MAP2K6: variants seen among roughly 807,000 people sequenced by gnomAD.
The protein encoded by MAP2K6 is mitogen-activated protein kinase kinase 6, also known as dual specificity mitogen-activated protein kinase kinase 6.
Under a neutral mutation model 53.7 loss-of-function variants are expected in MAP2K6, and 16 were observed. The ratio of observed to expected loss-of-function variants is 0.30; its 90% confidence interval spans 0.20 to 0.45. The LOEUF is 0.45. Among genes scored for constraint, MAP2K6 ranks in the 20% least tolerant of loss-of-function variants. MAP2K6 has a pLI of 1.00. For missense variants in MAP2K6, 204 were observed against 411.9 expected (o/e 0.50, Z 4.37); for synonymous variants, 132 against 143.1 (o/e 0.92, Z 0.55).
At chr17:69,431,253 T>G (rs1906453679) in intron 1 of MAP2K6, among the ~76,000 whole-genome samples, 1 of 152,154 alleles carries the variant, frequency 6.6e-6, no homozygotes, top group Admixed American at 6.6e-5. Context: ...AGTTCATGCT[T>G]CTTTTCTATA....
intron 1 of MAP2K6, among the ~76,000 whole-genome samples, chr17:69,417,441 ACT>A (rs1905941727): frequency 6.6e-6 from 1 of 152,090 alleles, no homozygotes; most frequent in South Asian, 2.1e-4. Context: ...GGAATTACAG[ACT>A]CTCTGGAAGC....
intron 1 of MAP2K6, among the ~76,000 whole-genome samples, chr17:69,496,364 C>T (rs565384612): frequency 1.6e-4 from 25 of 151,738 alleles, no homozygotes; most frequent in South Asian, 8.3e-4. Context: ...CTCTGCCTCC[C>T]GGGTTCCAGC....
chr17:69,439,056 C>G (rs1186052456), intron 1 of MAP2K6, among the ~76,000 whole-genome samples: 1 of 152,154 alleles, frequency 6.6e-6, no homozygotes, highest in South Asian at 2.1e-4. Context: ...CACAGAAACT[C>G]TTTGGTTCAA....
At chr17:69,461,647 A>T (rs899802548) in intron 1 of MAP2K6, among the ~76,000 whole-genome samples, 2 of 152,002 alleles carry the variant, frequency 1.3e-5, no homozygotes. Flanking sequence ...TTTTCTGGGG[A>T]TATCTCCAAG....
At chr17:69,526,956 TA>T (rs1241817832) in intron 10 of MAP2K6, among the ~76,000 whole-genome samples, 2 of 152,090 alleles carry the variant, frequency 1.3e-5, no homozygotes, top group Non-Finnish European at 2.9e-5. Context: ...GTGATAGAGA[TA>T]GGGGCATAGG....
At chr17:69,517,436 A>T in intron 3 of MAP2K6, 64 bp from the exon 4 acceptor site, 1 of 830,542 alleles carries the variant, frequency 1.2e-6, no homozygotes, top group Non-Finnish European at 1.9e-6. Flanking sequence ...GATAGAGGAT[A>T]ATGTGCTCTC....
At chr17:69,434,675 AT>A (rs1299447035) in intron 1 of MAP2K6, 4 of 152,170 alleles carry the variant, frequency 2.6e-5, no homozygotes, top group African/African-American at 7.2e-5. Context: ...AGTTCACATT[AT>A]TTTTTATTTT....
intron 11 of MAP2K6, among the ~76,000 whole-genome samples, chr17:69,541,100 A>G (rs951528697): frequency 6.6e-6 from 1 of 152,160 alleles, no homozygotes; most frequent in Non-Finnish European, 1.5e-5. Flanking sequence ...TGTCTCTACT[A>G]AAAATATAAA....
chr17:69,526,597 T>C lies in MAP2K6; in HGVS notation c.769T>C (p.Tyr257His), dbSNP rs1332003828. ...MIELAILRFP[Y>H]DSWGTPFQQL... ...TGAGTTGGCCATCCTTCGATTTCCC[T>C]ATGATTCATGGGGAACTCCATTTCA... Residue 257 changes from tyrosine to histidine, a missense_variant, in exon 10 of 12, where the codon TAT (tyrosine) becomes CAT (histidine). Around this residue, in one of 3 missense-constraint regions of MAP2K6, gnomAD observed 28 missense variants for 102.5 expected, o/e 0.27. Coordinates refer to ENST00000590474, the MANE Select transcript of MAP2K6 (RefSeq NM_002758.4). 6.2e-7 allele frequency: 1 copy of C among 1,613,966 alleles called. No individual in the cohort carries two copies. The highest frequency in any genetic ancestry group is 8.5e-7 in the Non-Finnish European group (1 of 1,179,972).
intron 6 of MAP2K6, chr17:69,520,808 G>T (rs1910426759): frequency 2.3e-6 from 1 of 429,704 alleles, no homozygotes; most frequent in African/African-American, 2.0e-5. Context: ...AGAAAAAGAA[G>T]GAGGACAAAT....
intron 1 of MAP2K6, among the ~76,000 whole-genome samples, chr17:69,464,580 C>G (rs933543054): frequency 6.6e-6 from 1 of 152,094 alleles, no homozygotes; most frequent in African/African-American, 2.4e-5. Context: ...TGAGGTTTCA[C>G]TATGTTGCCC....
chr17:69,450,100 AATTT>A (rs1907165071), intron 1 of MAP2K6, among the ~76,000 whole-genome samples: 1 of 50,920 alleles, frequency 2.0e-5, no homozygotes, highest in South Asian at 8.6e-4. Context: ...ACACCTGGCT[AATTT>A]TTTTTTTTTT....
At chr17:69,476,300 TA>T (rs929385678) in intron 1 of MAP2K6, among the ~76,000 whole-genome samples, 1 of 152,082 alleles carries the variant, frequency 6.6e-6, no homozygotes, top group Non-Finnish European at 1.5e-5. Flanking sequence ...CATTCTTCAC[TA>T]AAAAACCCCT....
chr17:69,506,301 C>CT (rs35772647), intron 2 of MAP2K6, among the ~76,000 whole-genome samples: 4 of 151,528 alleles, frequency 2.6e-5, no homozygotes, highest in East Asian at 1.9e-4. Context: ...TAAAGGAACA[C>CT]TTTTTTTTTA....
chr17:69,440,220 G>A (rs1906774942), intron 1 of MAP2K6, among the ~76,000 whole-genome samples: 1 of 152,084 alleles, frequency 6.6e-6, no homozygotes. Flanking sequence ...GCTAATTTTT[G>A]TGTTTTTAGT....
intron 1 of MAP2K6, among the ~76,000 whole-genome samples, chr17:69,475,033 T>C (rs1567831042): frequency 6.6e-6 from 1 of 152,216 alleles, no homozygotes; most frequent in African/African-American, 2.4e-5. Flanking sequence ...ACAAAAGCTG[T>C]GCAGTCTTCT....
chr17:69,457,012 C>G (rs9894539), intron 1 of MAP2K6, among the ~76,000 whole-genome samples: 36,150 of 152,134 alleles, frequency 0.24, 4,478 homozygotes, highest in Middle Eastern at 0.29. Flanking sequence ...TCACAACCCA[C>G]GTTTTTGCAT....
At chr17:69,516,009 G>A (rs1910121227) in intron 2 of MAP2K6, among the ~76,000 whole-genome samples, 1 of 152,126 alleles carries the variant, frequency 6.6e-6, no homozygotes, top group Non-Finnish European at 1.5e-5. Context: ...ACCTATATCA[G>A]CGGTCCCCAA....
At chr17:69,532,216 G>C (rs1911120751) in intron 10 of MAP2K6, among the ~76,000 whole-genome samples, 1 of 152,218 alleles carries the variant, frequency 6.6e-6, no homozygotes, top group African/African-American at 2.4e-5. Context: ...ACAGTAAAAA[G>C]AGGCACTAGA....
Sources: gnomAD v4.1 joint callset for allele counts (sites outside exome capture counted in the v4.1 genomes callset) on GRCh38, gnomAD v4.1.1 for gene constraint, gnomAD v4.1.1 regional missense constraint, MANE v1.5 for transcripts, NCBI Gene and HGNC (gene_info 2026-07-23, HGNC 2026-07-21) for gene names.